Variants in CRTAC1 observed in about 807,000 individuals in gnomAD.
The protein encoded by CRTAC1 is acidic secreted protein in cartilage.
Under a neutral mutation model 67.8 loss-of-function variants are expected in CRTAC1, and 37 were observed. That is an observed-to-expected ratio of 0.55 (90% CI 0.42 to 0.72). CRTAC1 has a LOEUF of 0.72. Among genes scored for constraint, CRTAC1 ranks in the 30% least tolerant of loss-of-function variants. The pLI, the probability that CRTAC1 is intolerant of heterozygous loss-of-function variation, is 0.00. For synonymous variants in CRTAC1, 348 were observed against 371.0 expected (o/e 0.94, Z 0.71); for missense variants, 780 against 931.6 (o/e 0.84, Z 2.12).
In CRTAC1 at chr10:97,904,830, A is replaced by G. The variant is rs1237468973; in HGVS notation, c.851-16T>C. ...TCGTCCACACCTGGGGAGGAGAGGC[A>G]GGAACTCTCAGGGCGGCATCCCCTG... On this transcript the variant is annotated splice_polypyrimidine_tract_variant and intron_variant, in intron 6 of 14. Coordinates refer to ENST00000370597, the MANE Select transcript of CRTAC1 (RefSeq NM_018058.7). 6.3e-7 allele frequency: 1 copy of G among 1,586,918 alleles called. No homozygotes were observed. Among genetic ancestry groups the G allele is most frequent in the African/African-American group, 1.4e-5 (1 of 73,286 alleles).
chr10:98,017,069 G>T (rs1002997654), intron 1 of CRTAC1, among the ~76,000 whole-genome samples: 1 of 152,162 alleles, frequency 6.6e-6, no homozygotes, highest in African/African-American at 2.4e-5. Context: ...GAAAAAGTAG[G>T]TTGAACTGAA....
At chr10:97,871,792 C>T (rs2050095916) in intron 14 of CRTAC1, among the ~76,000 whole-genome samples, 1 of 152,146 alleles carries the variant, frequency 6.6e-6, no homozygotes, top group Non-Finnish European at 1.5e-5. Flanking sequence ...TGGATTGACT[C>T]ATAAAGATAG....
chr10:97,904,942 G>A (rs889747200), intron 6 of CRTAC1, 128 bp from the exon 7 acceptor site: 16 of 1,115,234 alleles, frequency 1.4e-5, no homozygotes, highest in Admixed American at 6.4e-5. Context: ...GAGGAGATAC[G>A]GGAGACATAG....
Position 97,895,767 on chromosome 10 carries a change from G to C in CRTAC1, c.1317+118C>G, listed in dbSNP as rs947828063. 1.3e-6 allele frequency: 1 copy of C among 794,350 alleles called. No homozygotes were observed. The highest frequency in any genetic ancestry group is 1.7e-5 in the African/African-American group (1 of 57,644). 49.2% of individuals were successfully genotyped at this position (794,350 alleles called of 1,614,324 possible). A position where few individuals can be genotyped will look rare whatever the true frequency, so the allele number is the denominator to read the frequency against. On this transcript the variant is annotated intron_variant, in intron 10 of 14. Coordinates refer to ENST00000370597, the MANE Select transcript of CRTAC1 (RefSeq NM_018058.7). This position sits in a 1 kb window ranked among gnomAD's most constrained non-coding sequence, Gnocchi z 4.2. ...ATTTACTTCCCTCCTCCAGGGCCCG[G>C]GACTTCCATTACCCACCATGCTGGC... is the stretch of plus-strand genomic sequence containing the variant.
At chr10:97,946,296 G>C (rs932056781) in intron 2 of CRTAC1, among the ~76,000 whole-genome samples, 5 of 152,160 alleles carry the variant, frequency 3.3e-5, no homozygotes, top group African/African-American at 4.8e-5. Flanking sequence ...CTAGGCTTCT[G>C]GATGACTGGA....
rs780753808 is a variant in CRTAC1 at position 97,880,277 on chromosome 10, C to T, written c.1791G>A (p.Glu597=). The T allele has an allele frequency of 5.0e-6, 8 of 1,614,220 alleles. No individual in the cohort carries two copies. The highest frequency in any genetic ancestry group is 5.9e-6 in the Non-Finnish European group (7 of 1,180,028). ...RTNKKCSRGY[E]PNEDGTACVG... is the part of the protein sequence containing the mutation. The stretch of plus-strand genomic sequence containing the variant: ...CGCAGGCTGTGCCATCCTCGTTGGG[C>T]TCGTAGCCCCGACTGCACTTCTTGT... Residue 597 remains glutamate, a synonymous_variant, in exon 14 of 15, where the codon GAG becomes GAA. Transcript: ENST00000370597.
intron 8 of CRTAC1, among the ~76,000 whole-genome samples, chr10:97,899,051 T>C (rs1265433072): frequency 2.0e-5 from 3 of 152,192 alleles, no homozygotes; most frequent in African/African-American, 7.2e-5. Flanking sequence ...GTTCCTGGCA[T>C]GTTCCTGGAG....
At chr10:97,978,589 C>T (rs1410126128) in intron 2 of CRTAC1, among the ~76,000 whole-genome samples, 3 of 152,150 alleles carry the variant, frequency 2.0e-5, no homozygotes, top group Non-Finnish European at 4.4e-5. Flanking sequence ...CTGCTTGCTC[C>T]CCATGACACT....
Position 98,030,521 on chromosome 10 carries a change from G to C in CRTAC1, c.-49C>G. The C allele has an allele frequency of 8.2e-7, 1 of 1,224,970 alleles. No homozygotes were observed. Among genetic ancestry groups the C allele is most frequent in the South Asian group, 4.2e-5 (1 of 24,042 alleles). The allele number at this position is 1,224,970 out of a possible 1,614,324, so 75.9% of individuals were successfully genotyped here. On this transcript the variant is annotated 5_prime_UTR_variant, in exon 1 of 15. Coordinates refer to ENST00000370597, the MANE Select transcript of CRTAC1 (RefSeq NM_018058.7). The surrounding 1 kb of genome is among the most constrained non-coding windows in gnomAD (Gnocchi z 4.2). ...CTAGGGGCGTGGGAAGCGGGCGCTC[G>C]CTGCCGCCTCTGCCGCCGGCGCCGC...
intron 11 of CRTAC1, among the ~76,000 whole-genome samples, chr10:97,890,965 CT>C (rs1196390208): frequency 2.0e-5 from 3 of 152,206 alleles, no homozygotes; most frequent in Non-Finnish European, 4.4e-5. Flanking sequence ...CTGCACCCGG[CT>C]GCATTTTCTT....
intron 11 of CRTAC1, among the ~76,000 whole-genome samples, chr10:97,887,936 T>A (rs149032384): frequency 7.2e-5 from 11 of 152,280 alleles, no homozygotes; most frequent in African/African-American, 2.7e-4. Flanking sequence ...AAGTGCTTTA[T>A]GATGCTAACG....
At chr10:97,947,860 C>T (rs2051288963) in intron 2 of CRTAC1, among the ~76,000 whole-genome samples, 1 of 151,816 alleles carries the variant, frequency 6.6e-6, no homozygotes, top group African/African-American at 2.4e-5. Context: ...TGAAATCAGT[C>T]TGGGCAAAAT....
chr10:97,891,669 G>A (rs1370512348), intron 11 of CRTAC1, among the ~76,000 whole-genome samples: 1 of 152,212 alleles, frequency 6.6e-6, no homozygotes, highest in Non-Finnish European at 1.5e-5. Flanking sequence ...GTTCACCTCT[G>A]TCTTTCTGTC....
At chr10:97,952,176 C>T (rs928635485) in intron 2 of CRTAC1, among the ~76,000 whole-genome samples, 19 of 151,986 alleles carry the variant, frequency 1.3e-4, no homozygotes, top group Non-Finnish European at 2.8e-4. Flanking sequence ...CACGGTGAAA[C>T]CCCATCTCTA....
chr10:97,910,430 T>A (rs2050674654), intron 5 of CRTAC1, among the ~76,000 whole-genome samples: 1 of 152,110 alleles, frequency 6.6e-6, no homozygotes, highest in African/African-American at 2.4e-5. Flanking sequence ...CCTAATGAAA[T>A]CAGAACCTGC....
chr10:97,945,083 C>T (rs1220904127), intron 2 of CRTAC1, among the ~76,000 whole-genome samples: 1 of 152,198 alleles, frequency 6.6e-6, no homozygotes, highest in Non-Finnish European at 1.5e-5. Flanking sequence ...ATAATGATGA[C>T]CTATCATCTC....
intron 8 of CRTAC1, among the ~76,000 whole-genome samples, chr10:97,898,310 G>A (rs2050489121): frequency 7.2e-5 from 11 of 152,236 alleles, no homozygotes; most frequent in Admixed American, 7.2e-4. Context: ...CCTAGGGAGA[G>A]TGGGTCATGG....
At chr10:97,882,648 T>C (rs2050230711) in intron 13 of CRTAC1, 138 bp downstream of exon 13, 2 of 822,746 alleles carry the variant, frequency 2.4e-6, no homozygotes, top group Non-Finnish European at 4.0e-6. Flanking sequence ...GCATCTGGAG[T>C]CCCAGGACAA....
At chr10:97,871,210 C>T (rs994301093) in intron 14 of CRTAC1, 3 of 152,224 alleles carry the variant, frequency 2.0e-5, no homozygotes, top group African/African-American at 7.2e-5. Context: ...ATTTCAGCAT[C>T]TGCTGGACAG....
Sources: allele counts gnomAD v4.1 joint callset (sites outside exome capture counted in the v4.1 genomes callset), GRCh38; gene constraint gnomAD v4.1.1; non-coding constraint Gnocchi (gnomAD v3.1); transcripts MANE v1.5; gene names NCBI Gene and HGNC (gene_info 2026-07-23, HGNC 2026-07-21).